CACNA1I: variants seen among roughly 807,000 people sequenced by gnomAD.
The protein encoded by CACNA1I is calcium voltage-gated channel subunit alpha1 I.
A neutral mutation model predicts 201.6 loss-of-function variants in CACNA1I; 74 were observed. The ratio of observed to expected loss-of-function variants is 0.37; its 90% CI spans 0.30 to 0.45. CACNA1I has a LOEUF of 0.45. CACNA1I is among the 20% of genes least tolerant of loss of function. The pLI, the probability that CACNA1I is intolerant of heterozygous loss-of-function variation, is 1.00. For missense variants in CACNA1I, 2,346 were observed against 3,138.1 expected, an observed-to-expected ratio of 0.75 and a Z score of 6.03; for synonymous variants, 1,431 against 1,345.2, an observed-to-expected ratio of 1.06 and a Z score of -1.40.
rs1935876533 is a variant in CACNA1I, at chr22:39,686,323, G to T, written c.6590G>T (p.Gly2197Val). The change falls in exon 37 of 37, where the codon GGC becomes GTC. Residue 2197 changes from glycine (G) to valine (V), a missense_variant. Gly to Val is a moderately radical substitution (Grantham distance 109). Coordinates refer to ENST00000402142, the MANE Select transcript of CACNA1I (RefSeq NM_021096.4). ...DPPGRAPLPM[G>V]LGPLAPPPQP... Reference sequence around the variant, plus strand: ...CCCGGCCGGGCACCGCTGCCCATGGGCCTGGGCCCCTTGGCGCCCCCGCCG... The same window carrying T: ...CCCGGCCGGGCACCGCTGCCCATGGTCCTGGGCCCCTTGGCGCCCCCGCCG... The T allele has an allele frequency of 1.5e-6, 2 of 1,315,014 alleles. No homozygotes were observed. Among genetic ancestry groups the T allele is most frequent in the Non-Finnish European group, 1.9e-6 (2 of 1,030,742 alleles). 81.5% of individuals were successfully genotyped at this position (1,315,014 alleles called of 1,614,324 possible).
intron 2 of CACNA1I, among the ~76,000 whole-genome samples, chr22:39,599,369 C>G (rs1211810644): frequency 6.9e-6 from 1 of 145,144 alleles, no homozygotes; most frequent in Non-Finnish European, 1.5e-5. Context: ...CCTGTAATCC[C>G]AGCACTTTGG....
chr22:39,604,912 C>T (rs1260473971), intron 3 of CACNA1I, among the ~76,000 whole-genome samples: 1 of 152,078 alleles, frequency 6.6e-6, no homozygotes, highest in Non-Finnish European at 1.5e-5. Context: ...CTCTCACTGC[C>T]CAGCTATGTG....
chr22:39,623,735 C>T (rs1181326936), intron 4 of CACNA1I, among the ~76,000 whole-genome samples: 3 of 140,298 alleles, frequency 2.1e-5, no homozygotes, highest in African/African-American at 8.2e-5. Context: ...TGAAAGTATG[C>T]GTGCCTGTGA....
At chr22:39,639,267 C>G (rs541620309) in intron 5 of CACNA1I, among the ~76,000 whole-genome samples, 3 of 152,314 alleles carry the variant, frequency 2.0e-5, no homozygotes, top group African/African-American at 7.2e-5. Flanking sequence ...AAAAGTTTGC[C>G]TACCTCTGCT....
chr22:39,644,684 CTT>C (rs879636992), intron 7 of CACNA1I, among the ~76,000 whole-genome samples: 13 of 144,550 alleles, frequency 9.0e-5, no homozygotes, highest in Non-Finnish European at 1.1e-4. Flanking sequence ...AATTTTCTTT[CTT>C]TTTTTTTTTT....
chr22:39,686,681 T>A lies in CACNA1I; in HGVS notation c.*276T>A, dbSNP rs894278752. 1 of 146,924 alleles carries A rather than the reference T, an allele frequency of 6.8e-6. No individual in the cohort carries two copies. Among genetic ancestry groups the A allele is most frequent in the South Asian group, 2.1e-4 (1 of 4,670 alleles). 9.1% of individuals were successfully genotyped at this position (146,924 alleles called of 1,614,324 possible). A position where few individuals can be genotyped will look rare whatever the true frequency, so the allele number is the denominator to read the frequency against. ...GTATACACACACACATAGACAGACA[T>A]ATATATATATATTTATTTTTTTTAC... is the stretch of plus-strand genomic sequence containing the variant. On this transcript the variant is annotated 3_prime_UTR_variant, in exon 37 of 37. Transcript: ENST00000402142.
At chr22:39,646,977 C>G (rs1397179853) in intron 8 of CACNA1I, 96 bp downstream of exon 8, 1 of 1,430,192 alleles carries the variant, frequency 7.0e-7, no homozygotes, top group Admixed American at 2.9e-5. Flanking sequence ...CTCCAAATTC[C>G]AGGTCTTCAC....
At chr22:39,669,656 A>G (rs1241981663) in intron 24 of CACNA1I, among the ~76,000 whole-genome samples, 9 of 147,562 alleles carry the variant, frequency 6.1e-5, no homozygotes, top group Non-Finnish European at 1.2e-4. Flanking sequence ...AGATGGGTGG[A>G]TGAGTGGATG....
chr22:39,646,909 C>G, intron 8 of CACNA1I, 28 bp downstream of exon 8: 1 of 1,460,420 alleles, frequency 6.8e-7, no homozygotes, highest in Non-Finnish European at 9.0e-7. Context: ...CGACGCGGCA[C>G]TCAGGCACTT....
chr22:39,623,660 C>T (rs559931724), intron 4 of CACNA1I, among the ~76,000 whole-genome samples: 6 of 119,566 alleles, frequency 5.0e-5, no homozygotes, highest in Admixed American at 2.6e-4. Context: ...ATGTGTGCTG[C>T]GAGGGGGTAT....
In CACNA1I at chr22:39,677,452, G is replaced by A; in HGVS notation, c.4933+33G>A. The A allele has an allele frequency of 6.9e-7, 1 of 1,448,716 alleles. No homozygotes were observed. Among genetic ancestry groups the A allele is most frequent in the Non-Finnish European group, 9.3e-7 (1 of 1,077,380 alleles). The allele number at this position is 1,448,716 out of a possible 1,614,324, so 89.7% of individuals were successfully genotyped here. Reference sequence around the variant, plus strand: ...ACTCCCAGAGCAGGCCCGTGGTGGGGGTGCAGCAGGGCTGCAGGAGGAACT... The same window carrying A: ...ACTCCCAGAGCAGGCCCGTGGTGGGAGTGCAGCAGGGCTGCAGGAGGAACT... On this transcript the variant is annotated intron_variant, in intron 30 of 36. Transcript: ENST00000402142. The surrounding 1 kb of genome is among the most constrained non-coding windows in gnomAD (Gnocchi z 4.8).
In CACNA1I at chr22:39,666,541, C is replaced by T. The variant is rs1935204150; in HGVS notation, c.4104+535C>T. Among the ~76,000 whole-genome samples, 1 of 152,236 alleles carries T rather than the reference C, an allele frequency of 6.6e-6. No homozygotes were observed. Among genetic ancestry groups the T allele is most frequent in the Admixed American group, 6.5e-5 (1 of 15,290 alleles). ...CTGGTGTCTGCTTTCCCCTTGGTCT[C>T]CTCTCCTGAGGGCCTGCCAGGTGTG... On this transcript the variant is annotated intron_variant, in intron 23 of 36. Transcript: ENST00000402142. This position sits in a 1 kb window ranked among gnomAD's most constrained non-coding sequence, Gnocchi z 4.1.
At chr22:39,672,398 G>A in intron 27 of CACNA1I, 90 bp downstream of exon 27, 1 of 856,486 alleles carries the variant, frequency 1.2e-6, no homozygotes, top group Non-Finnish European at 2.0e-6. Flanking sequence ...GGAGCAGCCT[G>A]AAGAGGGGAA....
intron 33 of CACNA1I, among the ~76,000 whole-genome samples, chr22:39,680,505 G>A (rs1249383166): frequency 6.6e-6 from 1 of 152,222 alleles, no homozygotes; most frequent in Admixed American, 6.5e-5. Flanking sequence ...TGTGGTGGCT[G>A]CAGATTCTCC....
chr22:39,669,746 G>T (rs965387466), intron 24 of CACNA1I, among the ~76,000 whole-genome samples: 7 of 152,282 alleles, frequency 4.6e-5, no homozygotes, highest in African/African-American at 1.4e-4. Context: ...TGGATGGATG[G>T]ATGCATGCAT....
rs745885029 is a variant in CACNA1I at position 39,659,464 on chromosome 22, T to C, written c.2362T>C (p.Phe788Leu). 3 of 1,569,866 alleles carry C rather than the reference T, an allele frequency of 1.9e-6. No homozygotes were observed. Among genetic ancestry groups the C allele is most frequent in the Admixed American group, 1.9e-5 (1 of 53,068 alleles). The stretch of plus-strand genomic sequence containing the variant: ...TGGGATGCATATTTTTGGCTGCAAG[T>C]TCAGCCTCCGCACGGACACTGGAGA... ...ILGMHIFGCK[F>L]SLRTDTGDTV... The change falls in exon 13 of 37, where the codon TTC becomes CTC. Residue 788 changes from phenylalanine (F) to leucine (L), a missense_variant. Physicochemically the swap from Phe to Leu is conservative, Grantham distance 22 (BLOSUM62 0). Coordinates refer to ENST00000402142, the MANE Select transcript of CACNA1I (RefSeq NM_021096.4). The surrounding 1 kb of genome is among the most constrained non-coding windows in gnomAD (Gnocchi z 4.3).
At chr22:39,638,206 C>T (rs1010643791) in intron 5 of CACNA1I, among the ~76,000 whole-genome samples, 4 of 152,214 alleles carry the variant, frequency 2.6e-5, no homozygotes, top group African/African-American at 9.7e-5. Context: ...TCCCAAAGTG[C>T]TGGGATTACA....
At chr22:39,583,033 C>CATCT (rs1444702630) in intron 1 of CACNA1I, among the ~76,000 whole-genome samples, 6 of 31,636 alleles carry the variant, frequency 1.9e-4, no homozygotes, top group African/African-American at 9.5e-4. Flanking sequence ...AGCACCCAAC[C>CATCT]ATCCATCCAT....
chr22:39,657,441 A>G (rs746229828), intron 10 of CACNA1I, among the ~76,000 whole-genome samples: 3 of 152,130 alleles, frequency 2.0e-5, no homozygotes, highest in Non-Finnish European at 2.9e-5. Flanking sequence ...CAGCAGGTAC[A>G]TTGTGTCCAC....
Sources: gnomAD v4.1 joint callset for allele counts (sites outside exome capture counted in the v4.1 genomes callset) on GRCh38, gnomAD v4.1.1 for gene constraint, Gnocchi (gnomAD v3.1) non-coding constraint, MANE v1.5 for transcripts, NCBI Gene and HGNC (gene_info 2026-07-23, HGNC 2026-07-21) for gene names.